Variants in TTLL11 observed in about 807,000 individuals in gnomAD.
The protein encoded by TTLL11 is tubulin polyglutamylase TTLL11.
In TTLL11, 42 loss-of-function variants were observed where a neutral mutation model predicts 51.7. The observed-to-expected ratio is 0.81, with a 90% confidence interval of 0.64 to 1.05. The LOEUF (loss-of-function observed/expected upper bound fraction) is 1.05. TTLL11 is among the 50% of genes least tolerant of loss of function. The pLI, the probability that TTLL11 is intolerant of heterozygous loss-of-function variation, is 0.00. For missense variants in TTLL11, 799 were observed against 940.4 expected (o/e 0.85, Z 1.97); for synonymous variants, 381 against 383.5 (o/e 0.99, Z 0.08).
intron 2 of TTLL11, 36 bp downstream of exon 2, chr9:122,039,236 G>T: frequency 6.4e-7 from 1 of 1,565,906 alleles, no homozygotes; most frequent in Non-Finnish European, 8.8e-7. Context: ...CTTGGCCCTA[G>T]AAACATGTTT....
intron 6 of TTLL11, among the ~76,000 whole-genome samples, chr9:121,893,899 CT>C (rs1478320885): frequency 6.6e-6 from 1 of 152,210 alleles, no homozygotes; most frequent in Admixed American, 6.5e-5. Context: ...TCTTTGCAAG[CT>C]GTTTTGCATG....
intron 4 of TTLL11, among the ~76,000 whole-genome samples, 165 bp from the exon 5 acceptor site, chr9:121,975,144 A>T (rs1309852282): frequency 1.3e-5 from 2 of 152,190 alleles, no homozygotes; most frequent in African/African-American, 4.8e-5. Context: ...GACCAAATGG[A>T]CAGCAGAAAA....
At chr9:121,893,330 A>G (rs899593599) in intron 6 of TTLL11, among the ~76,000 whole-genome samples, 1 of 143,678 alleles carries the variant, frequency 7.0e-6, no homozygotes, top group African/African-American at 2.5e-5. Context: ...CTGTCTCTCT[A>G]GCCTTCTCCA....
chr9:121,925,686 C>T (rs1840702750), intron 6 of TTLL11, among the ~76,000 whole-genome samples: 1 of 152,232 alleles, frequency 6.6e-6, no homozygotes, highest in Admixed American at 6.5e-5. Flanking sequence ...CCGCAGCTGT[C>T]TCCTGGCTGG....
At chr9:121,849,836 G>A (rs964019865) in intron 8 of TTLL11, among the ~76,000 whole-genome samples, 3 of 152,120 alleles carry the variant, frequency 2.0e-5, no homozygotes, top group East Asian at 1.9e-4. Flanking sequence ...ACAGTCTGGC[G>A]TCCCTCAGCA....
intron 7 of TTLL11, among the ~76,000 whole-genome samples, chr9:121,862,925 C>T (rs932682737): frequency 4.6e-5 from 7 of 152,228 alleles, no homozygotes; most frequent in South Asian, 2.1e-4. Flanking sequence ...GCATCAGAGG[C>T]CCCTCTCCAA....
rs41273744 is a variant in TTLL11 at position 121,989,074 on chromosome 9, C to T, written c.1269+121G>A. The T allele has an allele frequency of 3.9e-3, 6,008 of 1,523,498 alleles. 20 individuals are homozygous for T. Among genetic ancestry groups the T allele is most frequent in the Non-Finnish European group, 4.8e-3 (5,397 of 1,135,820 alleles). 94.4% of individuals were successfully genotyped at this position (1,523,498 alleles called of 1,614,324 possible). A position where few individuals can be genotyped will look rare whatever the true frequency, so the allele number is the denominator to read the frequency against. ...AGGTTTAACACCCAAGCCCACAGCA[C>T]CACCAACACTGTCCCCTCCTCTGGC... On this transcript the variant is annotated intron_variant, in intron 4 of 8. Transcript: ENST00000321582. The surrounding 1 kb of genome is among the most constrained non-coding windows in gnomAD (Gnocchi z 4.2).
Position 121,822,876 on chromosome 9 carries a change from A to T in TTLL11, c.1844T>A (p.Met615Lys). ...SMTLDQRDSG[M>K]CLQAFVEAFF... is the part of the protein sequence containing the mutation. The stretch of plus-strand genomic sequence containing the variant: ...AGCTTCTACGAAGGCCTGCAGACAC[A>T]TCCCTGTGAACAAAGAGACTGGATG... The change falls in exon 9 of 9, where the codon ATG becomes AAG. Residue 615 changes from methionine to lysine, a missense_variant. This residue lies in a region of TTLL11 where 165 missense variants were observed against 166.1 expected (regional missense o/e 0.99). Transcript: ENST00000321582. The surrounding 1 kb of genome is among the most constrained non-coding windows in gnomAD (Gnocchi z 5.8). 3 of 1,548,728 alleles carry T rather than the reference A, an allele frequency of 1.9e-6. No homozygotes were observed. Among genetic ancestry groups the T allele is most frequent in the Non-Finnish European group, 2.6e-6 (3 of 1,145,594 alleles).
intron 6 of TTLL11, among the ~76,000 whole-genome samples, chr9:121,957,891 G>A (rs183756796): frequency 2.6e-5 from 4 of 152,324 alleles, no homozygotes; most frequent in African/African-American, 9.6e-5. Context: ...ATGGAGTCAG[G>A]ATTGGGAAGA....
At chr9:121,945,388 G>T (rs1433945340) in intron 6 of TTLL11, among the ~76,000 whole-genome samples, 1 of 152,200 alleles carries the variant, frequency 6.6e-6, no homozygotes, top group Non-Finnish European at 1.5e-5. Context: ...AAATGGCAAG[G>T]GCAGGAATGG....
intron 6 of TTLL11, among the ~76,000 whole-genome samples, chr9:121,886,837 C>A (rs1178756442): frequency 1.3e-5 from 2 of 152,198 alleles, no homozygotes; most frequent in African/African-American, 4.8e-5. Flanking sequence ...ATCCTGGAAA[C>A]TTCTTTCCCA....
intron 3 of TTLL11, among the ~76,000 whole-genome samples, chr9:122,019,563 C>T (rs1322698059): frequency 6.6e-6 from 1 of 152,230 alleles, no homozygotes; most frequent in Non-Finnish European, 1.5e-5. Context: ...GATTCTCCCA[C>T]ATCAGCCTCC....
chr9:122,085,682 T>C (rs545349899), intron 1 of TTLL11, among the ~76,000 whole-genome samples: 9 of 152,216 alleles, frequency 5.9e-5, no homozygotes, highest in Non-Finnish European at 1.0e-4. Flanking sequence ...AATTACATGA[T>C]AGAAAGAAAA....
chr9:121,822,978 C>T lies in TTLL11; in HGVS notation c.1841-99G>A, dbSNP rs1207231392. On this transcript the variant is annotated intron_variant, in intron 8 of 8. Coordinates refer to ENST00000321582, the MANE Select transcript of TTLL11 (RefSeq NM_001139442.2). This position sits in a 1 kb window ranked among gnomAD's most constrained non-coding sequence, Gnocchi z 5.8. ...CACAAGGATGTCAGCAAGAGCTAGC[C>T]CCGCTCCCCACCACCGTCTCCATTC... 1.5e-6 allele frequency: 2 copies of T among 1,326,422 alleles called. No homozygotes were observed. Among genetic ancestry groups the T allele is most frequent in the Non-Finnish European group, 1.0e-6 (1 of 986,896 alleles). The allele number at this position is 1,326,422 out of a possible 1,614,324, so 82.2% of individuals were successfully genotyped here.
At chr9:122,080,395 T>A (rs577343836) in intron 1 of TTLL11, among the ~76,000 whole-genome samples, 1 of 152,202 alleles carries the variant, frequency 6.6e-6, no homozygotes, top group East Asian at 1.9e-4. Context: ...GAAAGTAATA[T>A]GAAATATGCT....
chr9:122,044,978 T>C (rs1554788069), intron 1 of TTLL11, among the ~76,000 whole-genome samples: 1 of 151,932 alleles, frequency 6.6e-6, no homozygotes. Flanking sequence ...CATCGTGGCA[T>C]GCCTGTAGTC....
intron 6 of TTLL11, among the ~76,000 whole-genome samples, chr9:121,875,318 C>T (rs892309349): frequency 6.6e-5 from 10 of 152,176 alleles, no homozygotes; most frequent in African/African-American, 2.2e-4. Context: ...GAAAGGTGTT[C>T]GCAATGGTAA....
intron 3 of TTLL11, among the ~76,000 whole-genome samples, chr9:122,007,799 C>A (rs576442154): frequency 6.6e-6 from 1 of 152,064 alleles, no homozygotes; most frequent in African/African-American, 2.4e-5. Context: ...GACTTGGAGG[C>A]GGGGGAAAGT....
At chr9:121,972,441 T>C (rs1842602705) in intron 6 of TTLL11, among the ~76,000 whole-genome samples, 1 of 152,230 alleles carries the variant, frequency 6.6e-6, no homozygotes, top group Admixed American at 6.5e-5. Context: ...TCTGAGCTGC[T>C]CAGAGGACAG....
Sources: gnomAD v4.1 joint callset for allele counts (sites outside exome capture counted in the v4.1 genomes callset) on GRCh38, gnomAD v4.1.1 for gene constraint, gnomAD v4.1.1 regional missense constraint, Gnocchi (gnomAD v3.1) non-coding constraint, MANE v1.5 for transcripts, NCBI Gene and HGNC (gene_info 2026-07-23, HGNC 2026-07-21) for gene names.